KCND1: variants seen among roughly 807,000 people sequenced by gnomAD.
KCND1 encodes the protein potassium voltage-gated channel subfamily D member 1.
KCND1 carries 11 observed loss-of-function variants against 31.8 expected under a neutral mutation model. The ratio of observed to expected loss-of-function variants is 0.35; its 90% CI spans 0.22 to 0.57. KCND1 has a LOEUF of 0.57. Among genes scored for constraint, KCND1 ranks in the 20% least tolerant of loss-of-function variants. The pLI is 0.85. For synonymous variants in KCND1, 234 were observed against 248.1 expected, an observed-to-expected ratio of 0.94 and a Z score of 0.53; for missense variants, 471 against 596.8, an observed-to-expected ratio of 0.79 and a Z score of 2.20.
intron 5 of KCND1, among the ~76,000 whole-genome samples, chrX:48,963,214 G>A (rs5905716): frequency 0.088 from 9,655 of 109,345 alleles, 492 homozygotes; most frequent in Non-Finnish European, 0.13. Context: ...TTGGGAGGCC[G>A]AGGCGGGCGG....
Position 48,962,486 on chromosome X carries a change from T to C in KCND1, c.*95A>G. 3.4e-6 allele frequency: 2 copies of C among 582,921 alleles called. No homozygotes were observed. Among genetic ancestry groups the C allele is most frequent in the Non-Finnish European group, 5.5e-6 (2 of 365,063 alleles). 48.0% of individuals were successfully genotyped at this position (582,921 alleles called of 1,213,427 possible). On this transcript the variant is annotated 3_prime_UTR_variant, in exon 6 of 6. Coordinates refer to ENST00000218176, the MANE Select transcript of KCND1 (RefSeq NM_004979.6). ...TTCTCAGTGGGGGGGGCAGAAGGGG[T>C]GCCCAAGCCTGCCCCTCTCTGCCTC...
At chrX:48,964,448 G>A (rs1343910923) in intron 5 of KCND1, among the ~76,000 whole-genome samples, 7 of 110,567 alleles carry the variant, frequency 6.3e-5, no homozygotes, top group South Asian at 7.6e-4. Flanking sequence ...CCCGGGAGGC[G>A]GAGGTTCCAG....
At chrX:48,967,382 G>A in intron 1 of KCND1, 1 of 324,884 alleles carries the variant, frequency 3.1e-6, no homozygotes, top group South Asian at 4.9e-5. Flanking sequence ...GGAGCATGAG[G>A]AAGTCACAGG....
Position 48,966,291 on chromosome X carries a change from T to C in KCND1, c.1482A>G (p.Thr494=), listed in dbSNP as rs782456890. 10 of 1,183,347 alleles carry C rather than the reference T, an allele frequency of 8.5e-6. No individual in the cohort carries two copies. Among genetic ancestry groups the C allele is most frequent in the Non-Finnish European group, 1.0e-5 (9 of 881,860 alleles). The change falls in exon 5 of 6, where the codon ACA becomes ACG. Residue 494 remains threonine, a synonymous_variant. Coordinates refer to ENST00000218176, the MANE Select transcript of KCND1 (RefSeq NM_004979.6). ...GGGCTTCACTGAAGGTGAGCTCATCTGTGAACTCATGGCACTATGGGCAGA... is the reference window on the plus strand; with the variant it reads ...GGGCTTCACTGAAGGTGAGCTCATCCGTGAACTCATGGCACTATGGGCAGA... ...CLEKTTCHEF[T]DELTFSEALG... is the part of the protein sequence containing the mutation.
Position 48,969,203 on chromosome X carries a change from T to C in KCND1, c.1069A>G (p.Thr357Ala). 1 of 1,210,545 alleles carries C rather than the reference T, an allele frequency of 8.3e-7. No individual in the cohort carries two copies. The highest frequency in any genetic ancestry group is 1.1e-6 in the Non-Finnish European group (1 of 894,935). ...AEKGTNKTNFTSIPAAFWYTI... is the reference protein window; with the variant it reads ...AEKGTNKTNFASIPAAFWYTI... ...TACCAGAAGGCCGCAGGGATGCTTG[T>C]AAAGTTGGTCTTGTTTGTGCCCTTC... Residue 357 changes from threonine (T) to alanine (A), a missense_variant, in exon 1 of 6, where the codon ACA becomes GCA. Transcript: ENST00000218176.
rs140376920 is a variant in KCND1 at position 48,962,750 on chromosome X, C to T, written c.1775G>A (p.Arg592Gln). ...HDSLDLNCDS[R>Q]DFVAAIISIP... ...GCTGATAATGGCAGCCACGAAGTCC[C>T]GGCTGTCGCAGTTCAGGTCAAGGCT... Residue 592 changes from arginine (R) to glutamine (Q), a missense_variant, in exon 6 of 6, where the codon CGG becomes CAG. Around this residue, in one of 3 missense-constraint regions of KCND1, gnomAD observed 185 missense variants for 184.7 expected, o/e 1.00. Transcript: ENST00000218176. 88 of 1,208,366 alleles carry T rather than the reference C, an allele frequency of 7.3e-5. No homozygotes were observed. The highest frequency in any genetic ancestry group is 1.3e-4 in the Admixed American group (6 of 45,607).
rs2064383719 is a variant in KCND1 at position 48,970,709 on chromosome X, A to G, written c.-438T>C. On this transcript the variant is annotated 5_prime_UTR_variant, in exon 1 of 6. Transcript: ENST00000218176. ...CTCAGGGAAGGCAGAAGAGCCTGGA[A>G]TTCCTTTGCAGTGGTGGAGAGGAGA... The G allele has an allele frequency of 8.2e-6, 1 of 121,370 alleles. No homozygotes were observed. Among genetic ancestry groups the G allele is most frequent in the African/African-American group, 3.3e-5 (1 of 30,482 alleles). The allele number at this position is 121,370 out of a possible 1,213,427, so 10.0% of individuals were successfully genotyped here.
intron 1 of KCND1, chrX:48,967,906 T>A (rs1569518584): frequency 8.9e-6 from 1 of 112,099 alleles, no homozygotes; most frequent in East Asian, 2.8e-4. Context: ...TTGCTGGCTC[T>A]GTGATGTGTC....
At chrX:48,966,886 A>G (rs377341629) in intron 2 of KCND1, 42 bp from the exon 3 acceptor site, 2 of 1,202,286 alleles carry the variant, frequency 1.7e-6, no homozygotes, top group Non-Finnish European at 2.3e-6. Context: ...GTAAGCCCCA[A>G]AGTAGACTGG....
chrX:48,962,307 C>T lies in KCND1; in HGVS notation c.*274G>A, dbSNP rs1199143125. On this transcript the variant is annotated 3_prime_UTR_variant, in exon 6 of 6. Coordinates refer to ENST00000218176, the MANE Select transcript of KCND1 (RefSeq NM_004979.6). ...CAGGAGTCCAGCTGGGAGAGTGGGG[C>T]CAGTCCCAGTGTGCTAGGGCAAGGA... 3.9e-5 allele frequency: 12 copies of T among 310,160 alleles called. No homozygotes were observed. The highest frequency in any genetic ancestry group is 6.2e-5 in the Non-Finnish European group (11 of 177,250). 25.6% of individuals were successfully genotyped at this position (310,160 alleles called of 1,213,427 possible).
In KCND1 at chrX:48,969,930, G is replaced by C; in HGVS notation, c.342C>G (p.Phe114Leu). The C allele has an allele frequency of 8.3e-7, 1 of 1,210,909 alleles. No homozygotes were observed. The highest frequency in any genetic ancestry group is 1.1e-6 in the Non-Finnish European group (1 of 895,034). Residue 114 changes from phenylalanine to leucine, a missense_variant, in exon 1 of 6, where the codon TTC (phenylalanine) becomes TTG (leucine). This residue lies in a region of KCND1 where 212 missense variants were observed against 257.9 expected (regional missense o/e 0.82). Coordinates refer to ENST00000218176, the MANE Select transcript of KCND1 (RefSeq NM_004979.6). ...HCPRQECIQA[F>L]DEELAFYGLV... ...GGCCGTAGAAAGCCAGCTCTTCGTC[G>C]AAGGCCTGGATGCACTCCTGCCGTG...
intron 4 of KCND1, 43 bp from the exon 5 acceptor site, chrX:48,966,348 A>T: frequency 8.6e-7 from 1 of 1,157,057 alleles, no homozygotes; most frequent in Non-Finnish European, 1.2e-6. Flanking sequence ...ATCCCATGGG[A>T]GCTGATCCCA....
intron 5 of KCND1, among the ~76,000 whole-genome samples, chrX:48,965,736 C>T (rs904295342): frequency 2.7e-5 from 3 of 110,588 alleles, no homozygotes; most frequent in South Asian, 3.8e-4. Context: ...ATTAGCTGGG[C>T]GTGGTGGTGT....
chrX:48,969,928 T>C lies in KCND1; in HGVS notation c.344A>G (p.Asp115Gly), dbSNP rs782585765. Residue 115 changes from aspartate (D) to glycine (G), a missense_variant, in exon 1 of 6, where the codon GAC becomes GGC. Around this residue, in one of 3 missense-constraint regions of KCND1, gnomAD observed 212 missense variants for 257.9 expected, o/e 0.82. Transcript: ENST00000218176. ...CAGGCCGTAGAAAGCCAGCTCTTCG[T>C]CGAAGGCCTGGATGCACTCCTGCCG... ...CPRQECIQAF[D>G]EELAFYGLVP... 2.1e-5 allele frequency: 25 copies of C among 1,209,620 alleles called. No individual in the cohort carries two copies. The South Asian group carries it at 4.4e-4, about 21-fold the overall frequency.
chrX:48,965,027 A>AAAAC (rs1348983448), intron 5 of KCND1, among the ~76,000 whole-genome samples: 1 of 106,484 alleles, frequency 9.4e-6, no homozygotes, highest in Non-Finnish European at 1.9e-5. Flanking sequence ...AAAAAAAAAA[A>AAAAC]AACTGCATCA....
At chrX:48,963,644 T>C (rs2064335841) in intron 5 of KCND1, among the ~76,000 whole-genome samples, 1 of 110,691 alleles carries the variant, frequency 9.0e-6, no homozygotes, top group Admixed American at 9.6e-5. Flanking sequence ...ACCTCTCTCT[T>C]CTCTCATCTG....
chrX:48,963,740 A>G (rs1228005428), intron 5 of KCND1, among the ~76,000 whole-genome samples: 4 of 112,002 alleles, frequency 3.6e-5, no homozygotes, highest in Admixed American at 1.9e-4. Context: ...TGCTCAGAGC[A>G]GTGTCTGGAA....
Position 48,971,703 on chromosome X carries a change from G to T in KCND1, c.-1432C>A, listed in dbSNP as rs2064389943. 1 of 111,401 alleles carries T rather than the reference G, an allele frequency of 9.0e-6. No individual in the cohort carries two copies. Among genetic ancestry groups the T allele is most frequent in the African/African-American group, 3.3e-5 (1 of 30,514 alleles). 9.2% of individuals were successfully genotyped at this position (111,401 alleles called of 1,213,427 possible). On this transcript the variant is annotated 5_prime_UTR_variant, in exon 1 of 6. Coordinates refer to ENST00000218176, the MANE Select transcript of KCND1 (RefSeq NM_004979.6). ...AGGGAAGGATGAGGACAGCGCTAGTGGTGGTCCCCCTCCCCCTCTCTCTCG... is the reference window on the plus strand; with the variant it reads ...AGGGAAGGATGAGGACAGCGCTAGTTGTGGTCCCCCTCCCCCTCTCTCTCG...
chrX:48,961,473 G>T lies in KCND1; in HGVS notation c.*1108C>A, dbSNP rs1300652144. ...ACAGTGCTGGGGACAGGGAACCTGA[G>T]ATGATGCCAGATTTCAGCCTGAGAG... On this transcript the variant is annotated 3_prime_UTR_variant, in exon 6 of 6. Transcript: ENST00000218176. The T allele has an allele frequency of 8.9e-6, 1 of 112,793 alleles. No homozygotes were observed. Among genetic ancestry groups the T allele is most frequent in the African/African-American group, 3.2e-5 (1 of 31,014 alleles). 9.3% of individuals were successfully genotyped at this position (112,793 alleles called of 1,213,427 possible).
Sources: allele counts gnomAD v4.1 joint callset (sites outside exome capture counted in the v4.1 genomes callset), GRCh38; gene constraint gnomAD v4.1.1; regional missense constraint gnomAD v4.1.1; transcripts MANE v1.5; gene names NCBI Gene and HGNC (gene_info 2026-07-23, HGNC 2026-07-21).